Variants in TRAT1 observed in about 807,000 individuals in gnomAD.
TRAT1 encodes the protein T cell receptor associated transmembrane adaptor 1.
In TRAT1, 20 loss-of-function variants were observed where a neutral mutation model predicts 20.0. That is an observed-to-expected ratio of 1.00 (90% CI 0.70 to 1.45). The LOEUF is 1.45. TRAT1 is among the 40% of genes most tolerant of loss of function. The pLI is 0.00. For missense variants in TRAT1, 237 were observed against 224.1 expected, an observed-to-expected ratio of 1.06 and a Z score of -0.37; for synonymous variants, 77 against 74.2, an observed-to-expected ratio of 1.04 and a Z score of -0.20.
chr3:108,846,783 G>C, intron 3 of TRAT1, among the ~76,000 whole-genome samples: 1 of 152,124 alleles, frequency 6.6e-6, no homozygotes, highest in South Asian at 2.1e-4. Flanking sequence ...AAATATACTC[G>C]ATGTAGCGCC....
At chr3:108,832,314 T>C (rs1347219484) in intron 2 of TRAT1, among the ~76,000 whole-genome samples, 1 of 152,218 alleles carries the variant, frequency 6.6e-6, no homozygotes, top group Non-Finnish European at 1.5e-5. Flanking sequence ...GGATCTCTAT[T>C]ATATCAATTC....
rs767108407 is a variant in TRAT1 at position 108,853,795 on chromosome 3, G to A, written c.479G>A (p.Ser160Asn). ...TTLVDSFSPE[S>N]QAVEENIHDD... ...TTAGTAGACAGTTTCTCCCCAGAAA[G>A]CCAGGCAGTAGAGGAAAACATTCAT... Residue 160 changes from serine to asparagine, a missense_variant, in exon 6 of 6, where the codon AGC becomes AAC. Transcript: ENST00000295756. The A allele has an allele frequency of 8.1e-6, 13 of 1,614,116 alleles. No individual in the cohort carries two copies. Among genetic ancestry groups the A allele is most frequent in the Non-Finnish European group, 1.1e-5 (13 of 1,179,992 alleles).
Position 108,822,793 on chromosome 3 carries a change from A to G in TRAT1, c.-135A>G, listed in dbSNP as rs1286069839. 1.6e-6 allele frequency: 1 copy of G among 638,714 alleles called. No individual in the cohort carries two copies. The highest frequency in any genetic ancestry group is 2.7e-5 in the East Asian group (1 of 37,168). 39.6% of individuals were successfully genotyped at this position (638,714 alleles called of 1,614,324 possible). On this transcript the variant is annotated 5_prime_UTR_variant, in exon 1 of 6. Coordinates refer to ENST00000295756, the MANE Select transcript of TRAT1 (RefSeq NM_016388.4). The stretch of plus-strand genomic sequence containing the variant: ...GAAGAGAAAAGAATCCGAGGCACAG[A>G]TAAAGATAAGTTTTACTGTCATGCT...
chr3:108,829,586 A>AACACACACACACAC (rs144318236), intron 1 of TRAT1, among the ~76,000 whole-genome samples: 14,547 of 142,368 alleles, frequency 0.1, 930 homozygotes, highest in African/African-American at 0.15. Flanking sequence ...TCCATCTCAA[A>AACACACACACACAC]ACACACACAC....
intron 3 of TRAT1, among the ~76,000 whole-genome samples, chr3:108,840,592 ACAAACAGG>A (rs1365403996): frequency 6.6e-6 from 1 of 151,734 alleles, no homozygotes; most frequent in Non-Finnish European, 1.5e-5. Context: ...TATTCACTCA[ACAAACAGG>A]CACTGTGCTA....
rs745615222 is a variant in TRAT1 at position 108,849,271 on chromosome 3, G to A, written c.303+17G>A. 4 of 1,597,384 alleles carry A rather than the reference G, an allele frequency of 2.5e-6. No individual in the cohort carries two copies. Among genetic ancestry groups the A allele is most frequent in the South Asian group, 2.2e-5 (2 of 90,266 alleles). ...TCTGCACAGGTGAGTTTTGTTTTCT[G>A]TTTCCACATTTGCACATTTCAAGAG... On this transcript the variant is annotated intron_variant, in intron 5 of 5. Transcript: ENST00000295756.
At chr3:108,841,050 C>T (rs1945892311) in intron 3 of TRAT1, among the ~76,000 whole-genome samples, 1 of 152,192 alleles carries the variant, frequency 6.6e-6, no homozygotes, top group South Asian at 2.1e-4. Context: ...TAGGCTGTTC[C>T]AGCTGATTCT....
chr3:108,852,960 T>A (rs1946010147), intron 5 of TRAT1, among the ~76,000 whole-genome samples: 1 of 152,208 alleles, frequency 6.6e-6, no homozygotes, highest in South Asian at 2.1e-4. Context: ...CCAGGTCTAG[T>A]CCGGAGAAGC....
chr3:108,822,964 T>C, intron 1 of TRAT1, 30 bp downstream of exon 1: 2 of 1,605,260 alleles, frequency 1.2e-6, no homozygotes, highest in Non-Finnish European at 8.5e-7. Flanking sequence ...TTTTGTTCCA[T>C]TTGTGTGTCT....
chr3:108,852,927 T>G (rs1194254646), intron 5 of TRAT1, among the ~76,000 whole-genome samples: 2 of 152,248 alleles, frequency 1.3e-5, no homozygotes, highest in Non-Finnish European at 2.9e-5. Context: ...TAGCCTAGTT[T>G]CCTGTCTTTC....
chr3:108,848,418 T>G (rs1461025085), intron 4 of TRAT1, among the ~76,000 whole-genome samples: 1 of 152,214 alleles, frequency 6.6e-6, no homozygotes, highest in South Asian at 2.1e-4. Context: ...CAATCCACAC[T>G]TCTGTCAGGT....
chr3:108,838,087 T>C lies in TRAT1; in HGVS notation c.119-847T>C, dbSNP rs80022479. On this transcript the variant is annotated intron_variant, in intron 2 of 5. Coordinates refer to ENST00000295756, the MANE Select transcript of TRAT1 (RefSeq NM_016388.4). Reference sequence around the variant, plus strand: ...GTTTTGTTGTCCTACAACACATCTCTGGTAAGTCTTGTCCTGGCAGACCAA... The same window carrying C: ...GTTTTGTTGTCCTACAACACATCTCCGGTAAGTCTTGTCCTGGCAGACCAA... Among the ~76,000 whole-genome samples, 67 of 152,314 alleles carry C rather than the reference T, an allele frequency of 4.4e-4. No homozygotes were observed. The East Asian group carries it at 9.3e-3, about 21-fold the overall frequency.
Position 108,849,222 on chromosome 3 carries a change from A to T in TRAT1, c.271A>T (p.Asn91Tyr). The T allele has an allele frequency of 6.2e-7, 1 of 1,614,172 alleles. No individual in the cohort carries two copies. The change falls in exon 5 of 6, where the codon AAT becomes TAT. Residue 91 changes from asparagine (N) to tyrosine (Y), a missense_variant. By Grantham distance (143) the Asn-to-Tyr change is moderately radical. Coordinates refer to ENST00000295756, the MANE Select transcript of TRAT1 (RefSeq NM_016388.4). ...GAAAGCCCGACCAGAGAAATCTGTAAATAAGATGCAGGAAGCCACCCCATC... is the reference window on the plus strand; with the variant it reads ...GAAAGCCCGACCAGAGAAATCTGTATATAAGATGCAGGAAGCCACCCCATC... Reference protein sequence around the residue: ...QMKARPEKSVNKMQEATPSAQ... With the variant: ...QMKARPEKSVYKMQEATPSAQ...
In TRAT1 at chr3:108,838,345, ATATAGATAGAT is replaced by A. The variant is rs1354095560; in HGVS notation, c.119-588_119-578del. 7.4e-3 allele frequency among the ~76,000 whole-genome samples: 580 copies of A among 77,870 alleles called. 3 individuals carry two copies. Among genetic ancestry groups the A allele is most frequent in the African/African-American group, 0.061 (507 of 8,248 alleles). The allele number at this position is 77,870 out of a possible 152,430, so 51.1% of individuals were successfully genotyped here. On this transcript the variant is annotated intron_variant, in intron 2 of 5. Coordinates refer to ENST00000295756, the MANE Select transcript of TRAT1 (RefSeq NM_016388.4). ...AGATAGATAGATAGATAGATGATAG[ATATAGATAGAT>A]GATAGATAGATAGATAGATAGATAG... is the stretch of plus-strand genomic sequence containing the variant.
At position 108,826,530 on chromosome 3, in the gene TRAT1, C is replaced by T. The variant is rs1014633089; in HGVS notation, c.7+3596C>T. Among the ~76,000 whole-genome samples the T allele has an allele frequency of 9.9e-5, 15 of 152,198 alleles. 1 individual carries two copies. Among genetic ancestry groups the T allele is most frequent in the Admixed American group, 6.6e-4 (10 of 15,262 alleles). On this transcript the variant is annotated intron_variant, in intron 1 of 5. Coordinates refer to ENST00000295756, the MANE Select transcript of TRAT1 (RefSeq NM_016388.4). ...ATGATGGGTAGTGGTTGGGATTGTG[C>T]GTGTAGTGATCATGTGTCACGTTCA...
At chr3:108,843,857 C>A (rs1411533767) in intron 3 of TRAT1, among the ~76,000 whole-genome samples, 1 of 152,232 alleles carries the variant, frequency 6.6e-6, no homozygotes, top group Admixed American at 6.5e-5. Context: ...TCTGAGCCAC[C>A]TCCCTCTTTG....
chr3:108,850,344 G>A (rs765689745), intron 5 of TRAT1, among the ~76,000 whole-genome samples: 3 of 145,620 alleles, frequency 2.1e-5, no homozygotes, highest in East Asian at 2.0e-4. Context: ...GCTCTTTGTC[G>A]CCCAGGCTGG....
At chr3:108,847,014 T>C (rs1238261371) in intron 3 of TRAT1, 54 bp from the exon 4 acceptor site, 28 of 1,161,586 alleles carry the variant, frequency 2.4e-5, no homozygotes, top group Non-Finnish European at 3.5e-5. Context: ...AAGTCAGTTA[T>C]GAATTATGTG....
intron 1 of TRAT1, among the ~76,000 whole-genome samples, chr3:108,825,083 CA>C (rs1463614276): frequency 1.3e-5 from 2 of 151,378 alleles, no homozygotes; most frequent in Non-Finnish European, 2.9e-5. Flanking sequence ...AAAGTCAAAA[CA>C]AAACAAAATT....
Sources: allele counts gnomAD v4.1 joint callset (sites outside exome capture counted in the v4.1 genomes callset), GRCh38; gene constraint gnomAD v4.1.1; transcripts MANE v1.5; gene names NCBI Gene and HGNC (gene_info 2026-07-23, HGNC 2026-07-21).